The following MIR2052HG variants were observed in gnomAD, a reference collection of about 807,000 sequenced individuals.
MIR2052HG encodes MIR2052 host gene.
chr8:74,614,086 ATGT>A (rs575050404), intron 2 of MIR2052HG, among the ~76,000 whole-genome samples: 21 of 152,210 alleles, frequency 1.4e-4, no homozygotes, highest in African/African-American at 4.1e-4. Context: ...GATGATTTAA[ATGT>A]TGTGATTTTA....
intron 4 of MIR2052HG, among the ~76,000 whole-genome samples, chr8:74,747,225 G>A (rs1349169366): frequency 6.6e-6 from 1 of 152,126 alleles, no homozygotes; most frequent in Non-Finnish European, 1.5e-5. Context: ...CTTGAACTAT[G>A]TCTTAGGCTT....
At chr8:74,678,879 T>A (rs929139920) in intron 2 of MIR2052HG, among the ~76,000 whole-genome samples, 1 of 152,080 alleles carries the variant, frequency 6.6e-6, no homozygotes, top group East Asian at 1.9e-4. Flanking sequence ...AAGTTAGGTT[T>A]ATCCCAGGAA....
intron 4 of MIR2052HG, among the ~76,000 whole-genome samples, chr8:74,726,718 C>T (rs748950554): frequency 2.6e-5 from 4 of 152,042 alleles, no homozygotes; most frequent in Non-Finnish European, 4.4e-5. Context: ...GATATGTGGG[C>T]GTTATATGGC....
intron 2 of MIR2052HG, among the ~76,000 whole-genome samples, chr8:74,680,537 G>A (rs1166635717): frequency 1.3e-5 from 2 of 152,146 alleles, no homozygotes; most frequent in African/African-American, 2.4e-5. Context: ...CAGTTAGAAT[G>A]GCAATCATTA....
chr8:74,751,762 T>G (rs958526967), intron 4 of MIR2052HG, among the ~76,000 whole-genome samples: 3 of 152,170 alleles, frequency 2.0e-5, no homozygotes, highest in Admixed American at 6.5e-5. Flanking sequence ...CTAATTATGA[T>G]GACAAATTAA....
At chr8:74,636,747 GAT>G (rs1808585946) in intron 2 of MIR2052HG, among the ~76,000 whole-genome samples, 2 of 151,960 alleles carry the variant, frequency 1.3e-5, no homozygotes, top group South Asian at 4.1e-4. Context: ...GCCTCTCCCT[GAT>G]TTTTCATGCC....
At chr8:74,647,688 T>C (rs914774237) in intron 2 of MIR2052HG, among the ~76,000 whole-genome samples, 1 of 152,162 alleles carries the variant, frequency 6.6e-6, no homozygotes, top group African/African-American at 2.4e-5. Flanking sequence ...TTGCGGGAAG[T>C]CAGGGACCCA....
chr8:74,707,148 T>C (rs2128741384), intron 4 of MIR2052HG, among the ~76,000 whole-genome samples: 1 of 152,198 alleles, frequency 6.6e-6, no homozygotes, highest in East Asian at 1.9e-4. Flanking sequence ...TTCCCTCCCA[T>C]GTAGATATCT....
chr8:74,638,103 G>T (rs1016018171), intron 2 of MIR2052HG, among the ~76,000 whole-genome samples: 1 of 152,162 alleles, frequency 6.6e-6, no homozygotes, highest in Non-Finnish European at 1.5e-5. Context: ...CATTCCTGAA[G>T]AAGTGATGTT....
chr8:74,700,893 A>G (rs1049341325), intron 2 of MIR2052HG, among the ~76,000 whole-genome samples: 1 of 152,162 alleles, frequency 6.6e-6, no homozygotes, highest in Non-Finnish European at 1.5e-5. Context: ...GTTTTCTTCT[A>G]TGCTAAGTAC....
At chr8:74,639,406 G>A (rs1378040851) in intron 2 of MIR2052HG, among the ~76,000 whole-genome samples, 1 of 151,984 alleles carries the variant, frequency 6.6e-6, no homozygotes, top group Non-Finnish European at 1.5e-5. Context: ...TTCATCATTT[G>A]GGCATACATA....
In MIR2052HG at chr8:74,707,814, T is replaced by C. The variant is rs116752642; in HGVS notation, n.371+4132T>C. Among the ~76,000 whole-genome samples the C allele has an allele frequency of 5.7e-3, 865 of 152,226 alleles. 10 individuals are homozygous for C. Among genetic ancestry groups the C allele is most frequent in the African/African-American group, 0.02 (813 of 41,542 alleles). On this transcript the variant is annotated intron_variant and non_coding_transcript_variant, in intron 4 of 6. Coordinates refer to ENST00000523442, the Ensembl canonical transcript of MIR2052HG. ...GTGAGAAACAAGCAATTCTCTGATG[T>C]TTGAGATAATATTAAATAAATCAAC...
At chr8:74,618,443 G>T (rs1309058152) in intron 2 of MIR2052HG, among the ~76,000 whole-genome samples, 1 of 152,116 alleles carries the variant, frequency 6.6e-6, no homozygotes, top group African/African-American at 2.4e-5. Context: ...TTCATTAAAT[G>T]TATAAATAAT....
chr8:74,646,261 C>T (rs1314329289), intron 2 of MIR2052HG, among the ~76,000 whole-genome samples: 4 of 152,184 alleles, frequency 2.6e-5, no homozygotes, highest in Non-Finnish European at 5.9e-5. Flanking sequence ...AAGAGACTTT[C>T]ATTCAAGTCT....
chr8:74,638,354 C>T (rs1808604709), intron 2 of MIR2052HG, among the ~76,000 whole-genome samples: 1 of 152,142 alleles, frequency 6.6e-6, no homozygotes, highest in African/African-American at 2.4e-5. Flanking sequence ...TCAACATAAA[C>T]ATGCTGAGGG....
At chr8:74,706,070 A>G (rs2128741290) in intron 4 of MIR2052HG, among the ~76,000 whole-genome samples, 1 of 152,248 alleles carries the variant, frequency 6.6e-6, no homozygotes, top group South Asian at 2.1e-4. Flanking sequence ...TTAACTGTTC[A>G]GCAAAGCAGT....
intron 2 of MIR2052HG, among the ~76,000 whole-genome samples, chr8:74,662,318 C>T (rs1808873954): frequency 1.3e-5 from 2 of 151,854 alleles, no homozygotes; most frequent in Non-Finnish European, 2.9e-5. Context: ...ATTCCAAGGA[C>T]ATTGTAAAAT....
At chr8:74,608,861 C>T (rs1024646722) in intron 1 of MIR2052HG, among the ~76,000 whole-genome samples, 29 of 151,802 alleles carry the variant, frequency 1.9e-4, no homozygotes, top group African/African-American at 6.8e-4. Flanking sequence ...GGTCTCAAGT[C>T]AGTAATCTCA....
intron 2 of MIR2052HG, among the ~76,000 whole-genome samples, chr8:74,636,702 G>C (rs143939786): frequency 2.9e-3 from 445 of 152,012 alleles, no homozygotes; most frequent in Non-Finnish European, 5.3e-3. Context: ...TAAATTCCCA[G>C]ACCACATTGG....
Sources: gnomAD v4.1 joint callset for allele counts (sites outside exome capture counted in the v4.1 genomes callset) on GRCh38, gnomAD v4.1.1 for gene constraint, MANE v1.5 for transcripts, NCBI Gene and HGNC (gene_info 2026-07-23, HGNC 2026-07-21) for gene names.